Variants in RAP1GDS1 observed in about 807,000 individuals in gnomAD.
The protein encoded by RAP1GDS1 is Rap1 GTPase-GDP dissociation stimulator 1, also known as RAP1, GTP-GDP dissociation stimulator 1.
In RAP1GDS1, 35 loss-of-function variants were observed where a neutral mutation model predicts 71.1. The ratio of observed to expected loss-of-function variants is 0.49; its 90% confidence interval spans 0.38 to 0.65. RAP1GDS1 has a LOEUF of 0.65. RAP1GDS1 is among the 30% of genes least tolerant of loss of function. The pLI is 0.00. For missense variants in RAP1GDS1, 663 were observed against 706.1 expected (o/e 0.94, Z 0.69); for synonymous variants, 229 against 243.1 (o/e 0.94, Z 0.54).
At chr4:98,362,479 GACA>G (rs939454022) in intron 4 of RAP1GDS1, among the ~76,000 whole-genome samples, 1 of 151,956 alleles carries the variant, frequency 6.6e-6, no homozygotes, top group African/African-American at 2.4e-5. Flanking sequence ...TCTGAAAACA[GACA>G]ACAACTAACA....
At chr4:98,408,104 A>ATTT (rs56998297) in intron 7 of RAP1GDS1, among the ~76,000 whole-genome samples, 8 of 137,418 alleles carry the variant, frequency 5.8e-5, no homozygotes, top group South Asian at 2.2e-4. Context: ...ATATATATAT[A>ATTT]TTTTTTTTTT....
intron 4 of RAP1GDS1, among the ~76,000 whole-genome samples, chr4:98,364,729 A>G (rs1739225399): frequency 6.6e-6 from 1 of 152,106 alleles, no homozygotes; most frequent in Admixed American, 6.5e-5. Flanking sequence ...TTAAAAAAAA[A>G]AAAGTATGAT....
intron 12 of RAP1GDS1, among the ~76,000 whole-genome samples, chr4:98,430,762 A>G (rs1750281489): frequency 6.6e-6 from 1 of 152,216 alleles, no homozygotes; most frequent in African/African-American, 2.4e-5. Context: ...AATGTATTAC[A>G]TTCCTGTAGA....
chr4:98,344,027 A>T (rs1735891555), intron 3 of RAP1GDS1, among the ~76,000 whole-genome samples: 1 of 152,136 alleles, frequency 6.6e-6, no homozygotes, highest in East Asian at 1.9e-4. Context: ...AAGTGAAGGA[A>T]TTTGCGTAAT....
chr4:98,367,378 C>A (rs760074593), intron 4 of RAP1GDS1, among the ~76,000 whole-genome samples: 3 of 152,200 alleles, frequency 2.0e-5, no homozygotes, highest in Non-Finnish European at 2.9e-5. Flanking sequence ...AGGGGTGGGA[C>A]CCTCATGGAG....
chr4:98,397,083 GAA>G (rs1560955830), intron 6 of RAP1GDS1, among the ~76,000 whole-genome samples: 1 of 151,798 alleles, frequency 6.6e-6, no homozygotes, highest in East Asian at 1.9e-4. Flanking sequence ...TCCCAATAAT[GAA>G]AAAAAGATTG....
intron 6 of RAP1GDS1, chr4:98,396,538 G>A (rs945529538): frequency 1.3e-5 from 2 of 152,198 alleles, no homozygotes; most frequent in Non-Finnish European, 2.9e-5. Flanking sequence ...AGATAAATAT[G>A]CAGCTAATTT....
intron 2 of RAP1GDS1, among the ~76,000 whole-genome samples, chr4:98,336,421 A>G (rs1734731004): frequency 6.6e-6 from 1 of 152,222 alleles, no homozygotes; most frequent in Non-Finnish European, 1.5e-5. Context: ...TTCCACACAC[A>G]TAACTTCTCC....
At chr4:98,363,847 T>G (rs954932778) in intron 4 of RAP1GDS1, among the ~76,000 whole-genome samples, 1 of 152,120 alleles carries the variant, frequency 6.6e-6, no homozygotes, top group African/African-American at 2.4e-5. Flanking sequence ...GTAACTTGGA[T>G]TAAGTTATGG....
intron 12 of RAP1GDS1, among the ~76,000 whole-genome samples, chr4:98,429,083 C>T (rs1020551222): frequency 1.3e-5 from 2 of 151,824 alleles, no homozygotes; most frequent in Non-Finnish European, 2.9e-5. Context: ...ATGGTGAAAC[C>T]TCGTCTCTAC....
intron 3 of RAP1GDS1, among the ~76,000 whole-genome samples, chr4:98,351,963 T>A (rs1484271702): frequency 1.3e-5 from 2 of 151,334 alleles, no homozygotes; most frequent in Non-Finnish European, 2.9e-5. Flanking sequence ...GACATATTAT[T>A]TTTTAATGGT....
At chr4:98,373,072 A>G (rs1265263080) in intron 4 of RAP1GDS1, among the ~76,000 whole-genome samples, 1 of 152,252 alleles carries the variant, frequency 6.6e-6, no homozygotes, top group East Asian at 1.9e-4. Flanking sequence ...TCAGTGCACT[A>G]CATTCTTTGG....
At chr4:98,345,678 T>G (rs1333196358) in intron 3 of RAP1GDS1, among the ~76,000 whole-genome samples, 1 of 152,210 alleles carries the variant, frequency 6.6e-6, no homozygotes, top group Non-Finnish European at 1.5e-5. Context: ...TTAAGTGTTG[T>G]GTACATTATT....
intron 2 of RAP1GDS1, among the ~76,000 whole-genome samples, chr4:98,295,926 T>C (rs1342208069): frequency 6.6e-6 from 1 of 152,078 alleles, no homozygotes; most frequent in Non-Finnish European, 1.5e-5. Context: ...GTTAATTTTC[T>C]ACAGTTCTTC....
intron 1 of RAP1GDS1, among the ~76,000 whole-genome samples, chr4:98,287,748 G>A (rs1726250076): frequency 6.6e-6 from 1 of 151,632 alleles, no homozygotes; most frequent in Admixed American, 6.6e-5. Flanking sequence ...TTGAAATATT[G>A]CACACATGCA....
At chr4:98,441,862 A>T in intron 14 of RAP1GDS1, 128 bp from the exon 15 acceptor site, 1 of 1,037,894 alleles carries the variant, frequency 9.6e-7, no homozygotes. Flanking sequence ...GGCTACTGCT[A>T]TGTCTTTTTC....
intron 1 of RAP1GDS1, among the ~76,000 whole-genome samples, chr4:98,280,588 T>C (rs1724928343): frequency 6.6e-6 from 1 of 152,256 alleles, no homozygotes; most frequent in African/African-American, 2.4e-5. Flanking sequence ...TAGTTTCTTT[T>C]GCTTTGCTGA....
chr4:98,292,800 A>G (rs1358028171), intron 1 of RAP1GDS1, among the ~76,000 whole-genome samples: 1 of 152,154 alleles, frequency 6.6e-6, no homozygotes, highest in African/African-American at 2.4e-5. Context: ...TAATAGTGTA[A>G]AGAGGTTTTG....
chr4:98,268,087 T>G (rs192358249), intron 1 of RAP1GDS1, among the ~76,000 whole-genome samples: 2 of 152,306 alleles, frequency 1.3e-5, no homozygotes, highest in Admixed American at 1.3e-4. Flanking sequence ...TGGTTTGATT[T>G]GCAGTCTCAT....
Sources: allele counts gnomAD v4.1 joint callset (sites outside exome capture counted in the v4.1 genomes callset), GRCh38; gene constraint gnomAD v4.1.1; transcripts MANE v1.5; gene names NCBI Gene and HGNC (gene_info 2026-07-23, HGNC 2026-07-21).